Variants in RALGDS observed in about 807,000 individuals in gnomAD.
RALGDS encodes ral guanine nucleotide exchange factor.
In RALGDS, 44 loss-of-function variants were observed where a neutral mutation model predicts 99.8. That is an observed-to-expected ratio of 0.44 (90% CI 0.35 to 0.57). RALGDS has a LOEUF of 0.57. RALGDS is among the 20% of genes least tolerant of loss of function. RALGDS has a pLI of 0.01. For synonymous variants in RALGDS, 529 were observed against 505.0 expected, an observed-to-expected ratio of 1.05 and a Z score of -0.64; for missense variants, 1,022 against 1,203.1, an observed-to-expected ratio of 0.85 and a Z score of 2.23.
chr9:133,101,419 A>T (rs147795982), intron 16 of RALGDS, 101 bp downstream of exon 16: 216 of 1,592,140 alleles, frequency 1.4e-4, no homozygotes, highest in Non-Finnish European at 1.7e-4. Context: ...CTTCCCCGCC[A>T]ACTACAAGGT....
At chr9:133,106,883 C>A in intron 7 of RALGDS, 135 bp from the exon 8 acceptor site, 1 of 913,798 alleles carries the variant, frequency 1.1e-6, no homozygotes, top group Non-Finnish European at 1.7e-6. Flanking sequence ...GCCTGCGACC[C>A]GGGGGTGACA....
chr9:133,114,278 C>A (rs764338627), intron 1 of RALGDS, among the ~76,000 whole-genome samples: 12 of 152,198 alleles, frequency 7.9e-5, no homozygotes, highest in Non-Finnish European at 1.6e-4. Context: ...GCTGGCCTGT[C>A]TTCTCTGGTC....
intron 1 of RALGDS, among the ~76,000 whole-genome samples, chr9:133,120,329 C>T (rs1027285000): frequency 3.3e-5 from 5 of 152,126 alleles, no homozygotes; most frequent in African/African-American, 1.2e-4. Flanking sequence ...TAAGCAGAAA[C>T]AAGTCTTGCC....
intron 1 of RALGDS, among the ~76,000 whole-genome samples, chr9:133,141,959 C>T (rs1056631976): frequency 6.6e-6 from 1 of 152,234 alleles, no homozygotes; most frequent in Admixed American, 6.5e-5. Context: ...GGCTGCAGGG[C>T]GGCAAAGCAC....
Position 133,130,131 on chromosome 9 carries a change from C to A in RALGDS, c.132+821G>T, listed in dbSNP as rs903834669. On this transcript the variant is annotated intron_variant, in intron 1 of 17. Transcript: ENST00000372062. ...GGACTACAGGCGCATGCCACCACAC[C>A]CAGCTAATTTTTGTATTTTTAGTAG... 5.3e-5 allele frequency among the ~76,000 whole-genome samples: 8 copies of A among 152,154 alleles called. No individual in the cohort carries two copies. The South Asian group carries it at 1.7e-3, about 31-fold the overall frequency.
At chr9:133,102,713 G>A in intron 13 of RALGDS, 66 bp downstream of exon 13, 6 of 1,601,490 alleles carry the variant, frequency 3.7e-6, no homozygotes, top group Non-Finnish European at 5.1e-6. Flanking sequence ...ATAGCTGCTG[G>A]CCCTCTGGAG....
intron 7 of RALGDS, 84 bp downstream of exon 7, chr9:133,107,001 G>T: frequency 6.9e-7 from 1 of 1,456,812 alleles, no homozygotes; most frequent in Non-Finnish European, 9.6e-7. Flanking sequence ...GTAGACTGGG[G>T]CCTGTACAGG....
chr9:133,100,612 G>A lies in RALGDS; in HGVS notation c.2455-230C>T. ...GCCTCCATGGAATGAGGAGGGGTCT[G>A]TCCCAGCAGTGCCTACCCTGCTTCT... On this transcript the variant is annotated intron_variant, in intron 16 of 17. Transcript: ENST00000372050. 2.1e-6 allele frequency: 3 copies of A among 1,412,410 alleles called. No homozygotes were observed. In the East Asian group the frequency reaches 7.9e-5, roughly 37 times the overall value. 87.5% of individuals were successfully genotyped at this position (1,412,410 alleles called of 1,614,324 possible).
rs766181214 is a variant in RALGDS at position 133,119,715 on chromosome 9, G to A, written c.183+1257C>T. Among the ~76,000 whole-genome samples the A allele has an allele frequency of 6.0e-4, 91 of 151,926 alleles. 1 individual carries two copies. Among genetic ancestry groups the A allele is most frequent in the Non-Finnish European group, 8.8e-4 (60 of 67,928 alleles). ...GGGGTCCCTCTCCAGCCGCCAATGA[G>A]GACCAGAGCCCTGGATAGATGAGGG... On this transcript the variant is annotated intron_variant, in intron 1 of 17. Coordinates refer to ENST00000372050, the MANE Select transcript of RALGDS (RefSeq NM_006266.4).
intron 1 of RALGDS, among the ~76,000 whole-genome samples, chr9:133,129,727 A>G (rs1588564550): frequency 6.7e-6 from 1 of 148,602 alleles, no homozygotes; most frequent in South Asian, 2.1e-4. Flanking sequence ...AGGAGACCCC[A>G]CTCACTTGTT....
chr9:133,135,362 C>T (rs983060315), upstream of RALGDS, among the ~76,000 whole-genome samples: 9 of 152,226 alleles, frequency 5.9e-5, no homozygotes, highest in Admixed American at 1.3e-4. Flanking sequence ...ATTCACCCAC[C>T]GCAGGGCTCC....
chr9:133,107,204 C>A lies in RALGDS; in HGVS notation c.1294G>T (p.Ala432Ser). Residue 432 changes from alanine to serine, a missense_variant, in exon 7 of 18, where the codon GCC becomes TCC. By Grantham distance (99) the Ala-to-Ser change is moderately conservative. Around this residue, in one of 3 missense-constraint regions of RALGDS, gnomAD observed 825 missense variants for 994.5 expected, o/e 0.83. Coordinates refer to ENST00000372050, the MANE Select transcript of RALGDS (RefSeq NM_006266.4). Reference sequence around the variant, plus strand: ...ACACTGTTGAACTGGGTGACAGTGGCGCGGATGGTGGGCGCCAGGTGCTCC... The same window carrying A: ...ACACTGTTGAACTGGGTGACAGTGGAGCGGATGGTGGGCGCCAGGTGCTCC... Reference protein sequence around the residue: ...GKEHLAPTIRATVTQFNSVAN... With the variant: ...GKEHLAPTIRSTVTQFNSVAN... 1 of 1,613,732 alleles carries A rather than the reference C, an allele frequency of 6.2e-7. No homozygotes were observed. Among genetic ancestry groups the A allele is most frequent in the Non-Finnish European group, 8.5e-7 (1 of 1,180,022 alleles).
intron 1 of RALGDS, among the ~76,000 whole-genome samples, chr9:133,115,236 A>AC (rs1477237205): frequency 1.3e-5 from 2 of 152,026 alleles, no homozygotes; most frequent in Admixed American, 1.3e-4. Context: ...TTCCTTGGAA[A>AC]CCGTAGCTAG....
At chr9:133,100,453 A>G in intron 16 of RALGDS, 71 bp from the exon 17 acceptor site, 2 of 1,609,374 alleles carry the variant, frequency 1.2e-6, no homozygotes, top group Non-Finnish European at 1.7e-6. Flanking sequence ...GCAGTGGCCA[A>G]GGACCCTCTG....
At chr9:133,148,942 C>T (rs1481234055) in intron 1 of RALGDS, 5 of 1,602,048 alleles carry the variant, frequency 3.1e-6, no homozygotes, top group South Asian at 2.3e-5. Context: ...CGACGCGAGG[C>T]TGGGGACGGC....
chr9:133,144,643 C>T lies in RALGDS; in HGVS notation c.18+4320G>A, dbSNP rs6597600. On this transcript the variant is annotated intron_variant, in intron 1 of 17. Coordinates refer to the RALGDS transcript ENST00000393160. This position sits in a 1 kb window ranked among gnomAD's most constrained non-coding sequence, Gnocchi z 4.5. ...AGAGCGCGCCAAGCTGAGGAGCAGGCGGGCTCCGCTCACGCCCCCACACCC... is the reference window on the plus strand; with the variant it reads ...AGAGCGCGCCAAGCTGAGGAGCAGGTGGGCTCCGCTCACGCCCCCACACCC... Among the ~76,000 whole-genome samples the T allele has an allele frequency of 0.42, 63,656 of 152,160 alleles. 13,899 individuals are homozygous for T. Among genetic ancestry groups the T allele is most frequent in the African/African-American group, 0.51 (20,981 of 41,530 alleles).
intron 17 of RALGDS, 72 bp from the exon 18 acceptor site, chr9:133,098,834 A>C: frequency 2.7e-6 from 4 of 1,478,528 alleles, no homozygotes; most frequent in Non-Finnish European, 3.8e-6. Context: ...ACCGCTTGAG[A>C]GCCCATACAA....
intron 1 of RALGDS, among the ~76,000 whole-genome samples, chr9:133,137,275 G>A (rs1048982916): frequency 2.0e-5 from 3 of 152,358 alleles, no homozygotes; most frequent in East Asian, 3.9e-4. Flanking sequence ...GTCCTTTCAT[G>A]CCCCCCATGG....
At chr9:133,104,424 G>A in intron 9 of RALGDS, 93 bp from the exon 10 acceptor site, 2 of 1,173,424 alleles carry the variant, frequency 1.7e-6, no homozygotes, top group Non-Finnish European at 2.5e-6. Flanking sequence ...CGGGTTCCAG[G>A]GCTGACCCTG....
Sources: gnomAD v4.1 joint callset for allele counts (sites outside exome capture counted in the v4.1 genomes callset) on GRCh38, gnomAD v4.1.1 for gene constraint, gnomAD v4.1.1 regional missense constraint, Gnocchi (gnomAD v3.1) non-coding constraint, MANE v1.5 for transcripts, NCBI Gene and HGNC (gene_info 2026-07-23, HGNC 2026-07-21) for gene names.